SNX13: variants seen among roughly 807,000 people sequenced by gnomAD.
The protein encoded by SNX13 is sorting nexin-13.
Under a neutral mutation model 133.6 loss-of-function variants are expected in SNX13, and 45 were observed. The observed-to-expected ratio is 0.34, with a 90% CI of 0.27 to 0.43. The LOEUF is 0.43. Ranked by LOEUF, SNX13 falls within the 20% of genes least tolerant of loss-of-function variation. SNX13 has a pLI of 1.00. For synonymous variants in SNX13, 414 were observed against 373.9 expected, an observed-to-expected ratio of 1.11 and a Z score of -1.24; for missense variants, 1,032 against 1,145.1, an observed-to-expected ratio of 0.90 and a Z score of 1.43.
intron 22 of SNX13, among the ~76,000 whole-genome samples, chr7:17,799,883 T>C (rs968615635): frequency 4.0e-5 from 6 of 151,822 alleles, no homozygotes; most frequent in Admixed American, 3.3e-4. Context: ...TTAGTAATTT[T>C]ATAATTTTTT....
intron 8 of SNX13, 94 bp from the exon 9 acceptor site, chr7:17,868,584 A>C (rs1222687160): frequency 1.1e-6 from 1 of 917,030 alleles, no homozygotes; most frequent in East Asian, 2.7e-5. Context: ...TTACTTAAGA[A>C]AAGTATGATA....
chr7:17,851,030 T>G (rs961282184), intron 9 of SNX13, 66 bp from the exon 10 acceptor site: 24 of 1,495,654 alleles, frequency 1.6e-5, no homozygotes, highest in Non-Finnish European at 2.2e-5. Context: ...AACTGAATCT[T>G]GAGTGCCTAC....
chr7:17,933,759 T>A (rs1801691580), intron 1 of SNX13, among the ~76,000 whole-genome samples: 1 of 147,508 alleles, frequency 6.8e-6, no homozygotes, highest in Non-Finnish European at 1.5e-5. Flanking sequence ...TAAAACTACA[T>A]GGAGCCTAGG....
At chr7:17,848,733 T>A (rs1445314730) in intron 11 of SNX13, among the ~76,000 whole-genome samples, 4 of 152,190 alleles carry the variant, frequency 2.6e-5, no homozygotes, top group Non-Finnish European at 5.9e-5. Context: ...GGCAGGCTGG[T>A]TCCAGCACTC....
chr7:17,875,603 T>A (rs1366502251), intron 6 of SNX13, 22 bp from the exon 7 acceptor site: 2 of 1,609,434 alleles, frequency 1.2e-6, no homozygotes, highest in South Asian at 2.2e-5. Context: ...CAATTCAAGA[T>A]ATATAAAATG....
intron 9 of SNX13, among the ~76,000 whole-genome samples, chr7:17,861,636 T>C (rs1792716324): frequency 6.6e-6 from 1 of 152,006 alleles, no homozygotes; most frequent in Non-Finnish European, 1.5e-5. Context: ...CCCAGAAAAG[T>C]GAAGAAAGTC....
chr7:17,826,136 G>GA (rs35013397), intron 16 of SNX13, 45 bp from the exon 17 acceptor site: 96 of 1,253,878 alleles, frequency 7.7e-5, no homozygotes, highest in South Asian at 1.4e-4. Context: ...ATTTTATAGG[G>GA]AAAAAAAAGA....
chr7:17,904,178 T>G (rs997619280), intron 1 of SNX13, among the ~76,000 whole-genome samples: 1 of 152,216 alleles, frequency 6.6e-6, no homozygotes, highest in African/African-American at 2.4e-5. Context: ...ATATTTATGA[T>G]AGGAAAGGCA....
chr7:17,828,368 C>A (rs934171216), intron 16 of SNX13, among the ~76,000 whole-genome samples: 5 of 151,630 alleles, frequency 3.3e-5, no homozygotes, highest in African/African-American at 1.2e-4. Context: ...GATTCTTAAA[C>A]TCCTTGTAAG....
At chr7:17,809,282 C>CAAAAAAAAAAAA (rs535077123) in intron 20 of SNX13, among the ~76,000 whole-genome samples, 1 of 49,272 alleles carries the variant, frequency 2.0e-5, no homozygotes, top group Non-Finnish European at 3.5e-5. Context: ...AGATGGAAAG[C>CAAAAAAAAAAAA]AAAAAAAAAA....
rs545610559 is a variant in SNX13 at position 17,865,316 on chromosome 7, G to A, written c.837+3091C>T. Among the ~76,000 whole-genome samples the A allele has an allele frequency of 5.7e-4, 86 of 152,018 alleles. 1 individual carries two copies. The highest frequency in any genetic ancestry group is 3.0e-3 in the Admixed American group (46 of 15,278). ...TTAGTAAAGCTTCAAGATACAAAAC[G>A]AACATACAAAAATCAATAGTGTTTC... On this transcript the variant is annotated intron_variant, in intron 9 of 25. Coordinates refer to ENST00000428135, the MANE Select transcript of SNX13 (RefSeq NM_015132.5).
At chr7:17,808,135 G>A (rs1027755187) in intron 20 of SNX13, among the ~76,000 whole-genome samples, 1 of 152,188 alleles carries the variant, frequency 6.6e-6, no homozygotes, top group Non-Finnish European at 1.5e-5. Flanking sequence ...GTAAGCTTCA[G>A]AAGGTGGGTA....
chr7:17,820,309 T>C (rs1472955530), intron 18 of SNX13, among the ~76,000 whole-genome samples: 1 of 152,110 alleles, frequency 6.6e-6, no homozygotes, highest in Admixed American at 6.5e-5. Flanking sequence ...TTGGTTAAAG[T>C]GTAAGGATGG....
At chr7:17,893,554 T>A in intron 2 of SNX13, 120 bp from the exon 3 acceptor site, 1 of 643,750 alleles carries the variant, frequency 1.6e-6, no homozygotes, top group Non-Finnish European at 2.6e-6. Context: ...AAAAGTCAAT[T>A]TGTGACTTTG....
At chr7:17,803,746 T>C (rs140530622) in intron 20 of SNX13, among the ~76,000 whole-genome samples, 166 bp from the exon 21 acceptor site, 295 of 152,162 alleles carry the variant, frequency 1.9e-3, no homozygotes, top group African/African-American at 6.7e-3. Context: ...CTTCAGTGTG[T>C]CTTAAAAACG....
intron 5 of SNX13, among the ~76,000 whole-genome samples, chr7:17,878,280 T>C (rs1794948095): frequency 6.6e-6 from 1 of 152,166 alleles, no homozygotes. Flanking sequence ...TTACCGACAC[T>C]TGAGCTTTAT....
intron 12 of SNX13, among the ~76,000 whole-genome samples, chr7:17,840,376 C>G (rs1013547359): frequency 6.6e-6 from 1 of 151,720 alleles, no homozygotes; most frequent in African/African-American, 2.4e-5. Context: ...ATTTTTATCA[C>G]AAAAATGAAA....
chr7:17,890,496 A>G lies in SNX13; in HGVS notation c.319-12T>C. 11 of 1,540,304 alleles carry G rather than the reference A, an allele frequency of 7.1e-6. No individual in the cohort carries two copies. Among genetic ancestry groups the G allele is most frequent in the Non-Finnish European group, 9.6e-6 (11 of 1,143,162 alleles). Reference sequence around the variant, plus strand: ...GAAAACTGGATAACCTATAACAAAAATATTGGAAAAAAAATTACAACATTT... The same window carrying G: ...GAAAACTGGATAACCTATAACAAAAGTATTGGAAAAAAAATTACAACATTT... On this transcript the variant is annotated splice_polypyrimidine_tract_variant and intron_variant, in intron 4 of 25. Coordinates refer to ENST00000428135, the MANE Select transcript of SNX13 (RefSeq NM_015132.5).
chr7:17,858,261 A>T (rs900924814), intron 9 of SNX13, among the ~76,000 whole-genome samples: 3 of 152,146 alleles, frequency 2.0e-5, no homozygotes, highest in Non-Finnish European at 2.9e-5. Context: ...CCACATGAAC[A>T]CCATTTAGAA....
Sources: allele counts gnomAD v4.1 joint callset (sites outside exome capture counted in the v4.1 genomes callset), GRCh38; gene constraint gnomAD v4.1.1; transcripts MANE v1.5; gene names NCBI Gene and HGNC (gene_info 2026-07-23, HGNC 2026-07-21).